COL24A1: variants seen among roughly 807,000 people sequenced by gnomAD.
COL24A1 encodes the protein collagen alpha-1(XXIV) chain.
Under a neutral mutation model 253.9 loss-of-function variants are expected in COL24A1, and 224 were observed. That is an observed-to-expected ratio of 0.88 (90% CI 0.79 to 0.99). The LOEUF (loss-of-function observed/expected upper bound fraction) is 0.99, where lower values mean the gene tolerates loss of function less well. COL24A1 is among the 50% of genes least tolerant of loss of function. The pLI is 0.00. For missense variants in COL24A1, 2,131 were observed against 2,068.5 expected, an observed-to-expected ratio of 1.03 and a Z score of -0.59; for synonymous variants, 685 against 673.7, an observed-to-expected ratio of 1.02 and a Z score of -0.26.
chr1:85,958,322 T>C (rs998911820), intron 24 of COL24A1, among the ~76,000 whole-genome samples: 1 of 152,136 alleles, frequency 6.6e-6, no homozygotes, highest in African/African-American at 2.4e-5. Flanking sequence ...AACAGCCTTC[T>C]CTCATCTATT....
chr1:85,992,719 T>A (rs1019090565), intron 19 of COL24A1, among the ~76,000 whole-genome samples: 2 of 152,192 alleles, frequency 1.3e-5, no homozygotes, highest in Non-Finnish European at 2.9e-5. Flanking sequence ...AATTCATTTT[T>A]ATAAATTTAA....
chr1:85,818,332 C>T (rs1570742567), intron 45 of COL24A1, among the ~76,000 whole-genome samples: 1 of 152,306 alleles, frequency 6.6e-6, no homozygotes, highest in East Asian at 1.9e-4. Flanking sequence ...TTAAACTGTA[C>T]TTCTAAAAGG....
At chr1:86,034,150 C>A (rs1279296064) in intron 12 of COL24A1, among the ~76,000 whole-genome samples, 1 of 151,840 alleles carries the variant, frequency 6.6e-6, no homozygotes, top group Non-Finnish European at 1.5e-5. Flanking sequence ...ATTTTATATG[C>A]CACATAACAT....
At chr1:85,823,515 C>T in intron 45 of COL24A1, 21 bp downstream of exon 45, 1 of 1,612,116 alleles carries the variant, frequency 6.2e-7, no homozygotes, top group Non-Finnish European at 8.5e-7. Context: ...TCTCAAATTG[C>T]CTTAAATAAT....
At chr1:85,791,070 A>G (rs1331820899) in intron 47 of COL24A1, among the ~76,000 whole-genome samples, 1 of 152,198 alleles carries the variant, frequency 6.6e-6, no homozygotes, top group African/African-American at 2.4e-5. Flanking sequence ...ACACTTATTT[A>G]AGATTGTTAG....
At chr1:86,046,685 A>G in intron 12 of COL24A1, 140 bp downstream of exon 12, 1 of 920,090 alleles carries the variant, frequency 1.1e-6, no homozygotes. Flanking sequence ...TTGATACACT[A>G]TTCAAGAGGC....
intron 47 of COL24A1, 83 bp downstream of exon 47, chr1:85,816,705 A>G: frequency 8.2e-7 from 1 of 1,217,610 alleles, no homozygotes; most frequent in Non-Finnish European, 1.2e-6. Context: ...CCAAAGCTAA[A>G]ATAGATAGCC....
intron 2 of COL24A1, among the ~76,000 whole-genome samples, chr1:86,139,453 T>C (rs1324610428): frequency 1.3e-5 from 2 of 152,198 alleles, no homozygotes; most frequent in African/African-American, 4.8e-5. Flanking sequence ...TCAGCGATAG[T>C]CTATCACAAA....
chr1:85,852,071 C>T (rs1434111941), intron 37 of COL24A1, among the ~76,000 whole-genome samples: 1 of 152,018 alleles, frequency 6.6e-6, no homozygotes, highest in Non-Finnish European at 1.5e-5. Flanking sequence ...AGCCTTTAAT[C>T]AATTGGAATG....
At chr1:86,124,020 T>C (rs12118936) in intron 3 of COL24A1, among the ~76,000 whole-genome samples, 22,925 of 151,878 alleles carry the variant, frequency 0.15, 1,888 homozygotes, top group South Asian at 0.25. Flanking sequence ...TAAAGGTAAA[T>C]TTAAGTATAC....
At chr1:85,918,088 A>G (rs1478736528) in intron 24 of COL24A1, among the ~76,000 whole-genome samples, 1 of 151,246 alleles carries the variant, frequency 6.6e-6, no homozygotes, top group African/African-American at 2.4e-5. Context: ...CATTGACAAG[A>G]AGTCCTTAAT....
intron 58 of COL24A1, chr1:85,736,181 T>C: frequency 2.5e-6 from 1 of 394,042 alleles, no homozygotes; most frequent in South Asian, 1.9e-5. Flanking sequence ...GGCCCTCTGG[T>C]GGATCACAGT....
At chr1:86,142,078 AAATTTAG>A (rs1651177310) in intron 2 of COL24A1, among the ~76,000 whole-genome samples, 1 of 152,182 alleles carries the variant, frequency 6.6e-6, no homozygotes, top group Admixed American at 6.5e-5. Context: ...ACCAATACAA[AAATTTAG>A]AACAAAGACA....
intron 52 of COL24A1, among the ~76,000 whole-genome samples, chr1:85,776,916 G>T: frequency 6.6e-6 from 1 of 151,524 alleles, no homozygotes; most frequent in Non-Finnish European, 1.5e-5. Flanking sequence ...TTTTAAACCA[G>T]GGTATTAACT....
At chr1:86,009,427 T>C (rs939614019) in intron 19 of COL24A1, among the ~76,000 whole-genome samples, 1 of 152,188 alleles carries the variant, frequency 6.6e-6, no homozygotes, top group Non-Finnish European at 1.5e-5. Flanking sequence ...CAGACCTAGA[T>C]AGTATAGTCT....
In COL24A1 at chr1:85,970,274, TAA is replaced by T. The variant is rs751533765; in HGVS notation, c.2419-5_2419-4del. 1,841 of 1,327,992 alleles carry T rather than the reference TAA, an allele frequency of 1.4e-3. No homozygotes were observed. Among genetic ancestry groups the T allele is most frequent in the South Asian group, 4.5e-3 (314 of 69,634 alleles). 82.3% of individuals were successfully genotyped at this position (1,327,992 alleles called of 1,614,324 possible). On this transcript the variant is annotated splice_polypyrimidine_tract_variant and splice_region_variant and intron_variant, in intron 21 of 59. Transcript: ENST00000370571. ...GCTCCAATTGGTCCTTCTTCTCCCT[TAA>T]AAAAAAAAAAAGTCAGAACATATTA...
intron 55 of COL24A1, among the ~76,000 whole-genome samples, chr1:85,746,253 G>A (rs911781166): frequency 1.3e-5 from 2 of 152,050 alleles, no homozygotes; most frequent in Admixed American, 6.6e-5. Context: ...TTACTTGAAG[G>A]CTGCATAATA....
chr1:85,932,918 C>A (rs1294310685), intron 24 of COL24A1, among the ~76,000 whole-genome samples: 2 of 92,460 alleles, frequency 2.2e-5, no homozygotes. Context: ...AGGGGAATAT[C>A]ACACTCTGGG....
chr1:85,822,417 T>C (rs190792404), intron 45 of COL24A1, among the ~76,000 whole-genome samples: 141 of 152,314 alleles, frequency 9.3e-4, no homozygotes, highest in Non-Finnish European at 1.6e-3. Flanking sequence ...ATCAATAGCA[T>C]GTGAAGTCAG....
Sources: gnomAD v4.1 joint callset for allele counts (sites outside exome capture counted in the v4.1 genomes callset) on GRCh38, gnomAD v4.1.1 for gene constraint, MANE v1.5 for transcripts, NCBI Gene and HGNC (gene_info 2026-07-23, HGNC 2026-07-21) for gene names.